The following RORA variants were observed in gnomAD, a reference collection of about 807,000 sequenced individuals.
The protein encoded by RORA is nuclear receptor ROR-alpha.
In RORA, 7 loss-of-function variants were observed where a neutral mutation model predicts 69.5. That is an observed-to-expected ratio of 0.10 (90% CI 0.06 to 0.19). RORA has a LOEUF of 0.19. Ranked by LOEUF, RORA falls within the 10% of genes least tolerant of loss-of-function variation. RORA has a pLI of 1.00. For missense variants in RORA, 457 were observed against 663.0 expected (o/e 0.69, Z 3.41); for synonymous variants, 261 against 240.8 (o/e 1.08, Z -0.78).
intron 1 of RORA, among the ~76,000 whole-genome samples, chr15:60,967,297 C>T (rs749836390): frequency 2.2e-4 from 34 of 152,194 alleles, no homozygotes; most frequent in Middle Eastern, 3.4e-3. Context: ...TATATGTTTT[C>T]ACGTATCATG....
intron 1 of RORA, among the ~76,000 whole-genome samples, chr15:60,742,212 T>C (rs2071583800): frequency 6.6e-6 from 1 of 152,232 alleles, no homozygotes; most frequent in Admixed American, 6.5e-5. Context: ...TGAATGCTGT[T>C]ATTCTTTTAA....
intron 1 of RORA, among the ~76,000 whole-genome samples, chr15:61,027,905 A>G (rs975522753): frequency 6.6e-6 from 1 of 152,220 alleles, no homozygotes; most frequent in Admixed American, 6.5e-5. Context: ...ACAAACCTAA[A>G]GCCCATAGCA....
intron 1 of RORA, among the ~76,000 whole-genome samples, chr15:60,789,537 C>T (rs12593925): frequency 0.13 from 19,489 of 152,206 alleles, 1,582 homozygotes; most frequent in East Asian, 0.42. Context: ...CTATCCATAC[C>T]GTTTCTTGAT....
chr15:60,601,268 G>A (rs1042420436), intron 2 of RORA, among the ~76,000 whole-genome samples: 2 of 152,144 alleles, frequency 1.3e-5, no homozygotes, highest in Admixed American at 1.3e-4. Context: ...AGGTTAGCAT[G>A]TGTCATTATG....
At chr15:60,939,859 G>C (rs1393871042) in intron 1 of RORA, among the ~76,000 whole-genome samples, 1 of 152,176 alleles carries the variant, frequency 6.6e-6, no homozygotes. Flanking sequence ...GAAAAGCAGT[G>C]TGTGTGCACA....
chr15:60,784,535 C>T (rs2072309365), intron 1 of RORA, among the ~76,000 whole-genome samples: 1 of 152,234 alleles, frequency 6.6e-6, no homozygotes, highest in South Asian at 2.1e-4. Flanking sequence ...TGCCCAGGAA[C>T]CACTGCCTGA....
rs554601018 is a variant in RORA at position 60,854,990 on chromosome 15, A to G, written c.167-176304T>C. On this transcript the variant is annotated intron_variant, in intron 1 of 10. Coordinates refer to ENST00000335670, the MANE Select transcript of RORA (RefSeq NM_134261.3). ...TCCCTGTTAAACAGGTCTGGAGAAG[A>G]TGCTGGTAGTCATTTTGAGCATCGC... Among the ~76,000 whole-genome samples the G allele has an allele frequency of 8.5e-5, 13 of 152,326 alleles. No homozygotes were observed. The East Asian group carries it at 2.3e-3, about 27-fold the overall frequency.
intron 1 of RORA, among the ~76,000 whole-genome samples, chr15:61,174,988 G>A (rs1283739633): frequency 6.6e-6 from 1 of 152,148 alleles, no homozygotes; most frequent in Non-Finnish European, 1.5e-5. Context: ...CAAAGCCCAT[G>A]TTCTTAACTA....
intron 1 of RORA, among the ~76,000 whole-genome samples, chr15:60,937,137 G>A (rs781075089): frequency 6.6e-6 from 1 of 152,104 alleles, no homozygotes; most frequent in African/African-American, 2.4e-5. Flanking sequence ...TGAGGAAACC[G>A]AGGCATACAG....
chr15:60,898,194 T>A (rs2140464455), intron 1 of RORA, among the ~76,000 whole-genome samples: 1 of 152,272 alleles, frequency 6.6e-6, no homozygotes. Flanking sequence ...CAACTGCATA[T>A]CAGTAAATGA....
At chr15:60,890,569 G>T (rs2140457117) in intron 1 of RORA, among the ~76,000 whole-genome samples, 1 of 152,290 alleles carries the variant, frequency 6.6e-6, no homozygotes, top group South Asian at 2.1e-4. Context: ...CCCTGCTCGG[G>T]GCCCCTTCAC....
intron 2 of RORA, among the ~76,000 whole-genome samples, chr15:60,575,915 G>A (rs1028059230): frequency 6.6e-6 from 1 of 152,134 alleles, no homozygotes; most frequent in Non-Finnish European, 1.5e-5. Context: ...TTTTAACCAC[G>A]AATGGGCATG....
chr15:61,140,960 G>T (rs2079292093), intron 1 of RORA, among the ~76,000 whole-genome samples: 1 of 152,116 alleles, frequency 6.6e-6, no homozygotes, highest in South Asian at 2.1e-4. Flanking sequence ...AGCTTGTCAA[G>T]AAAAGCTGTT....
At chr15:61,092,362 G>A (rs929429778) in intron 1 of RORA, among the ~76,000 whole-genome samples, 2 of 152,164 alleles carry the variant, frequency 1.3e-5, no homozygotes. Flanking sequence ...ACATTTCTTG[G>A]TCCCAATGAA....
chr15:60,708,272 A>G (rs1472291507), intron 1 of RORA, among the ~76,000 whole-genome samples: 1 of 151,692 alleles, frequency 6.6e-6, no homozygotes, highest in African/African-American at 2.4e-5. Flanking sequence ...AAATACAAAA[A>G]TTAGCTGGGC....
chr15:60,990,879 A>G (rs994264259), intron 1 of RORA, among the ~76,000 whole-genome samples: 1 of 152,248 alleles, frequency 6.6e-6, no homozygotes, highest in African/African-American at 2.4e-5. Context: ...GCAAGCAAAA[A>G]TCAAATTATA....
intron 1 of RORA, among the ~76,000 whole-genome samples, chr15:61,099,403 C>G (rs2078845068): frequency 6.6e-6 from 1 of 152,088 alleles, no homozygotes; most frequent in Non-Finnish European, 1.5e-5. Context: ...CCACTAAATC[C>G]CCAGTGAGGG....
At chr15:60,834,586 T>C (rs184567147) in intron 1 of RORA, among the ~76,000 whole-genome samples, 83 of 152,296 alleles carry the variant, frequency 5.4e-4, no homozygotes, top group African/African-American at 1.9e-3. Flanking sequence ...GTTAATGGAA[T>C]GATAAATGTG....
intron 1 of RORA, among the ~76,000 whole-genome samples, chr15:60,968,972 CTT>C (rs1893635482): frequency 6.6e-6 from 1 of 152,146 alleles, no homozygotes; most frequent in East Asian, 1.9e-4. Flanking sequence ...AACCTTAACA[CTT>C]TTGAAGATTA....
Sources: gnomAD v4.1 joint callset for allele counts (sites outside exome capture counted in the v4.1 genomes callset) on GRCh38, gnomAD v4.1.1 for gene constraint, MANE v1.5 for transcripts, NCBI Gene and HGNC (gene_info 2026-07-23, HGNC 2026-07-21) for gene names.